CDK13: variants seen among roughly 807,000 people sequenced by gnomAD.
The protein encoded by CDK13 is cyclin dependent kinase 13.
A neutral mutation model predicts 137.6 loss-of-function variants in CDK13; 40 were observed. That is an observed-to-expected ratio of 0.29 (90% confidence interval 0.23 to 0.38). CDK13 has a LOEUF of 0.38. Among genes scored for constraint, CDK13 ranks in the 10% least tolerant of loss-of-function variants. The pLI, the probability that CDK13 is intolerant of heterozygous loss-of-function variation, is 1.00. For missense variants in CDK13, 1,704 were observed against 1,951.8 expected (o/e 0.87, Z 2.39); for synonymous variants, 869 against 760.1 (o/e 1.14, Z -2.36).
In CDK13 at chr7:39,991,078, C is replaced by T. The variant is rs1374026854; in HGVS notation, c.1871+2820C>T. ...GAACTATTGGTTGGTTTTCCATCCC[C>T]TTTTATAATGAAGGGGGACCACCCC... On this transcript the variant is annotated intron_variant, in intron 2 of 13. Coordinates refer to ENST00000181839, the MANE Select transcript of CDK13 (RefSeq NM_003718.5). Among the ~76,000 whole-genome samples, 4 of 152,078 alleles carry T rather than the reference C, an allele frequency of 2.6e-5. 1 individual carries two copies. The highest frequency in any genetic ancestry group is 4.4e-5 in the Non-Finnish European group (3 of 68,012).
chr7:39,960,123 G>C (rs918619275), intron 1 of CDK13, among the ~76,000 whole-genome samples: 1 of 149,560 alleles, frequency 6.7e-6, no homozygotes, highest in Non-Finnish European at 1.5e-5. Flanking sequence ...ATTTATCTTG[G>C]AATGCTTTGT....
chr7:40,024,658 T>G (rs1252093223), intron 5 of CDK13, among the ~76,000 whole-genome samples: 4 of 123,474 alleles, frequency 3.2e-5, no homozygotes, highest in South Asian at 2.7e-4. Flanking sequence ...TTTTTTTTTT[T>G]TTTTTTTTTT....
At chr7:40,012,040 A>G (rs1334717365) in intron 5 of CDK13, among the ~76,000 whole-genome samples, 1 of 152,184 alleles carries the variant, frequency 6.6e-6, no homozygotes, top group African/African-American at 2.4e-5. Context: ...ATGTTCAACA[A>G]CTTAGTTATT....
intron 6 of CDK13, among the ~76,000 whole-genome samples, chr7:40,046,870 CA>C (rs1341918110): frequency 6.6e-6 from 1 of 151,678 alleles, no homozygotes; most frequent in East Asian, 2.0e-4. Context: ...GGTGTGGTGG[CA>C]CACACCCGTA....
intron 3 of CDK13, chr7:39,998,006 A>AT (rs1423884903): frequency 5.5e-6 from 1 of 180,704 alleles, no homozygotes; most frequent in Non-Finnish European, 1.1e-5. Context: ...ACCAAATAAA[A>AT]TTAGTAATGG....
In CDK13 at chr7:40,094,936, A is replaced by T; in HGVS notation, c.4495A>T (p.Ser1499Cys). 1 of 1,452,780 alleles carries T rather than the reference A, an allele frequency of 6.9e-7. No homozygotes were observed. Among genetic ancestry groups the T allele is most frequent in the Non-Finnish European group, 9.1e-7 (1 of 1,101,260 alleles). 90.0% of individuals were successfully genotyped at this position (1,452,780 alleles called of 1,614,324 possible). Residue 1499 changes from serine (S) to cysteine (C), a missense_variant, in exon 14 of 14, where the codon AGC becomes TGC. By Grantham distance (112) the Ser-to-Cys change is moderately radical. Coordinates refer to ENST00000181839, the MANE Select transcript of CDK13 (RefSeq NM_003718.5). ...GYSQGYRGHI[S>C]TSTGRGRGRG... is the part of the protein sequence containing the mutation. ...TTCACAAGGATACAGGGGACATATT[A>T]GCACATCAACTGGCAGAGGCAGAGG...
At chr7:40,018,421 G>T (rs748448060) in intron 5 of CDK13, among the ~76,000 whole-genome samples, 1 of 152,054 alleles carries the variant, frequency 6.6e-6, no homozygotes. Flanking sequence ...ATACCCAAGA[G>T]AAAACAAGTC....
chr7:39,950,949 A>G lies in CDK13; in HGVS notation c.308A>G (p.Gln103Arg). ...GGCAAGAGGCGCGCAGGAGGGCGGC[A>G]GAAGCGGCGTCGCGGGCCCCGCGCC... is the stretch of plus-strand genomic sequence containing the variant. Reference protein sequence around the residue: ...ARGKRRAGGRQKRRRGPRAGQ... With the variant: ...ARGKRRAGGRRKRRRGPRAGQ... The change falls in exon 1 of 14, where the codon CAG (glutamine) becomes CGG (arginine). Residue 103 changes from glutamine (Q) to arginine (R), a missense_variant. Physicochemically the swap from Gln to Arg is conservative, Grantham distance 43. Transcript: ENST00000181839. 2 of 1,313,346 alleles carry G rather than the reference A, an allele frequency of 1.5e-6. No homozygotes were observed. Among genetic ancestry groups the G allele is most frequent in the South Asian group, 2.2e-5 (1 of 45,014 alleles). 81.4% of individuals were successfully genotyped at this position (1,313,346 alleles called of 1,614,324 possible).
chr7:39,963,182 G>T (rs2116145016), intron 1 of CDK13, among the ~76,000 whole-genome samples: 1 of 152,206 alleles, frequency 6.6e-6, no homozygotes, highest in Admixed American at 6.5e-5. Context: ...TAGCTTGATG[G>T]GGATGGCATT....
At position 39,951,159 on chromosome 7, in the gene CDK13, G is replaced by C; in HGVS notation, c.518G>C (p.Gly173Ala). 1 of 1,243,360 alleles carries C rather than the reference G, an allele frequency of 8.0e-7. No individual in the cohort carries two copies. The highest frequency in any genetic ancestry group is 1.0e-6 in the Non-Finnish European group (1 of 995,364). 77.0% of individuals were successfully genotyped at this position (1,243,360 alleles called of 1,614,324 possible). ...SAATAATAAG[G>A]TGGSGGSPAS... is the part of the protein sequence containing the mutation. ...GCAACGGCGGCGACGGCTGCCGGGG[G>C]AACGGGGGGCAGCGGCGGGAGTCCG... Residue 173 changes from glycine (G) to alanine (A), a missense_variant, in exon 1 of 14, where the codon GGA (glycine) becomes GCA (alanine). Around this residue, in one of 5 missense-constraint regions of CDK13, gnomAD observed 1,051 missense variants for 931.0 expected, o/e 1.13. Transcript: ENST00000181839.
At chr7:40,049,204 AAAGG>A (rs1269699964) in intron 7 of CDK13, 3 of 147,704 alleles carry the variant, frequency 2.0e-5, no homozygotes, top group Non-Finnish European at 4.5e-5. Flanking sequence ...AAAAAAAAAA[AAAGG>A]AAGGGAGGAG....
In CDK13 at chr7:40,096,971, G is replaced by A. The variant is rs911146388; in HGVS notation, c.*1991G>A. The stretch of plus-strand genomic sequence containing the variant: ...AGTATCTGAAATTTTAATATGGTGA[G>A]TCTTAGAGCTTTAGACTTTCCTATA... On this transcript the variant is annotated 3_prime_UTR_variant, in exon 14 of 14. Coordinates refer to ENST00000181839, the MANE Select transcript of CDK13 (RefSeq NM_003718.5). 6.6e-6 allele frequency: 1 copy of A among 152,056 alleles called. No homozygotes were observed. Among genetic ancestry groups the A allele is most frequent in the Non-Finnish European group, 1.5e-5 (1 of 67,962 alleles). The allele number at this position is 152,056 out of a possible 1,614,324, so 9.4% of individuals were successfully genotyped here. A position where few individuals can be genotyped will look rare whatever the true frequency, so the allele number is the denominator to read the frequency against.
At chr7:39,977,218 A>G (rs537251932) in intron 1 of CDK13, among the ~76,000 whole-genome samples, 1 of 152,272 alleles carries the variant, frequency 6.6e-6, no homozygotes, top group African/African-American at 2.4e-5. Flanking sequence ...AAAGGCATGG[A>G]AGTATTGGGC....
chr7:40,014,732 A>G (rs1157651578), intron 5 of CDK13, among the ~76,000 whole-genome samples: 1 of 152,232 alleles, frequency 6.6e-6, no homozygotes, highest in African/African-American at 2.4e-5. Context: ...CTGGGATTAC[A>G]GGCGTGTGCC....
chr7:40,039,103 C>T (rs1227904314), intron 5 of CDK13, among the ~76,000 whole-genome samples: 1 of 151,796 alleles, frequency 6.6e-6, no homozygotes, highest in East Asian at 1.9e-4. Context: ...TTTGTAAGGT[C>T]GTTGATCTTT....
At chr7:40,046,451 CT>C (rs1785742661) in intron 6 of CDK13, among the ~76,000 whole-genome samples, 1 of 152,024 alleles carries the variant, frequency 6.6e-6, no homozygotes, top group Non-Finnish European at 1.5e-5. Flanking sequence ...CATGACCAGC[CT>C]GGCCAACGTT....
intron 5 of CDK13, among the ~76,000 whole-genome samples, chr7:40,044,588 G>A (rs930363101): frequency 3.3e-5 from 5 of 152,008 alleles, no homozygotes; most frequent in African/African-American, 1.2e-4. Context: ...CAAAGTGCTG[G>A]GATTATAGGC....
chr7:40,042,119 T>C (rs1785619251), intron 5 of CDK13, among the ~76,000 whole-genome samples: 1 of 152,168 alleles, frequency 6.6e-6, no homozygotes, highest in Non-Finnish European at 1.5e-5. Flanking sequence ...GTTTGAGATC[T>C]TGGTCTGTCT....
chr7:40,089,185 A>G (rs1010871907), intron 12 of CDK13, among the ~76,000 whole-genome samples: 41 of 152,080 alleles, frequency 2.7e-4, no homozygotes, highest in African/African-American at 9.4e-4. Context: ...CTGTAATCCC[A>G]GCTCTTTGGG....
Sources: gnomAD v4.1 joint callset for allele counts (sites outside exome capture counted in the v4.1 genomes callset) on GRCh38, gnomAD v4.1.1 for gene constraint, gnomAD v4.1.1 regional missense constraint, MANE v1.5 for transcripts, NCBI Gene and HGNC (gene_info 2026-07-23, HGNC 2026-07-21) for gene names.